Variants in CDH4 observed in about 807,000 individuals in gnomAD.
CDH4 encodes the protein cadherin-4.
Under a neutral mutation model 86.0 loss-of-function variants are expected in CDH4, and 33 were observed. The ratio of observed to expected loss-of-function variants is 0.38; its 90% CI spans 0.29 to 0.51. The LOEUF is 0.51. CDH4 is among the 20% of genes least tolerant of loss of function. The probability of loss-of-function intolerance (pLI) is 0.86; values close to 1 mark genes in which losing one functional copy is unlikely to be tolerated. For missense variants in CDH4, 1,114 were observed against 1,307.4 expected, an observed-to-expected ratio of 0.85 and a Z score of 2.28; for synonymous variants, 555 against 549.4, an observed-to-expected ratio of 1.01 and a Z score of -0.14.
intron 15 of CDH4, among the ~76,000 whole-genome samples, 162 bp from the exon 16 acceptor site, chr20:61,936,575 G>A (rs945878646): frequency 3.3e-5 from 5 of 149,748 alleles, no homozygotes; most frequent in African/African-American, 7.4e-5. Flanking sequence ...TTTTCTACTC[G>A]GAAATGCCCT....
intron 2 of CDH4, among the ~76,000 whole-genome samples, chr20:61,383,677 A>ACTGTAT (rs2084931487): frequency 4.1e-5 from 2 of 48,776 alleles, no homozygotes; most frequent in African/African-American, 1.3e-4. Context: ...GATATATATG[A>ACTGTAT]ATGTATATGA....
intron 2 of CDH4, among the ~76,000 whole-genome samples, chr20:61,578,654 C>T (rs963778718): frequency 3.7e-4 from 56 of 152,162 alleles, no homozygotes; most frequent in African/African-American, 1.3e-3. Context: ...GACCTGGCCA[C>T]CTCTCCTCCA....
At chr20:61,473,546 A>G (rs1363837295) in intron 2 of CDH4, among the ~76,000 whole-genome samples, 1 of 152,234 alleles carries the variant, frequency 6.6e-6, no homozygotes, top group Non-Finnish European at 1.5e-5. Flanking sequence ...TAAGGAGCTC[A>G]CATTTTAACC....
At chr20:61,527,788 G>A (rs1055305232) in intron 2 of CDH4, among the ~76,000 whole-genome samples, 1 of 152,068 alleles carries the variant, frequency 6.6e-6, no homozygotes, top group Admixed American at 6.6e-5. Context: ...CCTTCCAGAG[G>A]CATCTCGGGT....
Position 61,768,440 on chromosome 20 carries a change from G to T in CDH4, c.397-4563G>T, listed in dbSNP as rs555793556. On this transcript the variant is annotated intron_variant, in intron 3 of 15. Transcript: ENST00000614565. ...GCGCATGTGTACTATCTAGTTTCTG[G>T]TAATGGTGTAGTAGAGGTCACCCTT... 3.9e-5 allele frequency among the ~76,000 whole-genome samples: 6 copies of T among 152,260 alleles called. No individual in the cohort carries two copies. In the South Asian group the frequency reaches 1.2e-3, roughly 32 times the overall value.
At chr20:61,590,882 G>GGA (rs1568700994) in intron 2 of CDH4, among the ~76,000 whole-genome samples, 1 of 152,084 alleles carries the variant, frequency 6.6e-6, no homozygotes, top group Non-Finnish European at 1.5e-5. Context: ...TCTATGGGGG[G>GGA]GGGGGTCCCC....
At chr20:61,367,574 G>C (rs2084817793) in intron 2 of CDH4, among the ~76,000 whole-genome samples, 1 of 151,930 alleles carries the variant, frequency 6.6e-6, no homozygotes, top group Non-Finnish European at 1.5e-5. Context: ...ACCCAACCTT[G>C]AGCATCAGAA....
At chr20:61,908,967 G>A (rs1184354420) in intron 8 of CDH4, among the ~76,000 whole-genome samples, 1 of 152,228 alleles carries the variant, frequency 6.6e-6, no homozygotes, top group South Asian at 2.1e-4. Context: ...CAGGTGTGAA[G>A]GTGGCCTGGG....
At position 61,676,015 on chromosome 20, in the gene CDH4, C is replaced by T. The variant is rs971979527; in HGVS notation, c.170-67548C>T. On this transcript the variant is annotated intron_variant, in intron 2 of 15. Coordinates refer to ENST00000614565, the MANE Select transcript of CDH4 (RefSeq NM_001794.5). The surrounding 1 kb of genome is among the most constrained non-coding windows in gnomAD (Gnocchi z 4.5). The stretch of plus-strand genomic sequence containing the variant: ...GCACAGGCTCAGGCTCCTGGCACTG[C>T]CTGCTTAGGACCCTCAGACGGCCTC... Among the ~76,000 whole-genome samples the T allele has an allele frequency of 2.0e-5, 3 of 152,208 alleles. No homozygotes were observed. Among genetic ancestry groups the T allele is most frequent in the African/African-American group, 7.2e-5 (3 of 41,472 alleles).
intron 2 of CDH4, among the ~76,000 whole-genome samples, chr20:61,560,342 A>G (rs1254547282): frequency 6.6e-6 from 1 of 152,242 alleles, no homozygotes; most frequent in Non-Finnish European, 1.5e-5. Flanking sequence ...TCAAACTATG[A>G]AGATCCTAGA....
chr20:61,259,796 G>GT (rs1425312877), intron 2 of CDH4, among the ~76,000 whole-genome samples: 1 of 152,174 alleles, frequency 6.6e-6, no homozygotes, highest in Non-Finnish European at 1.5e-5. Context: ...CTGGTCACCG[G>GT]TATCTAATTA....
At chr20:61,449,481 G>T (rs906413349) in intron 2 of CDH4, among the ~76,000 whole-genome samples, 1 of 152,190 alleles carries the variant, frequency 6.6e-6, no homozygotes, top group Admixed American at 6.5e-5. Flanking sequence ...AGCCTGTGAC[G>T]TGGGGATATT....
chr20:61,468,550 T>G (rs1362393387), intron 2 of CDH4, among the ~76,000 whole-genome samples: 1 of 152,184 alleles, frequency 6.6e-6, no homozygotes, highest in East Asian at 1.9e-4. Context: ...TTCCAAACAA[T>G]CCAGTTACAT....
chr20:61,309,105 G>A (rs1045599733), intron 2 of CDH4, among the ~76,000 whole-genome samples: 24 of 152,380 alleles, frequency 1.6e-4, no homozygotes, highest in Non-Finnish European at 2.6e-4. Context: ...AGAGCATGGA[G>A]CCAAGCACAG....
chr20:61,785,225 A>C (rs973733161), intron 4 of CDH4, among the ~76,000 whole-genome samples: 1 of 152,064 alleles, frequency 6.6e-6, no homozygotes, highest in Non-Finnish European at 1.5e-5. Context: ...GCCATGCTTC[A>C]CCATCTCCTC....
chr20:61,846,731 CTG>C (rs1568846951), intron 5 of CDH4, among the ~76,000 whole-genome samples: 2 of 152,348 alleles, frequency 1.3e-5, no homozygotes, highest in East Asian at 3.9e-4. Context: ...CCCTTCAACT[CTG>C]TGAATTCCTG....
intron 12 of CDH4, among the ~76,000 whole-genome samples, chr20:61,929,165 T>TTC: frequency 6.6e-6 from 1 of 152,134 alleles, no homozygotes; most frequent in Admixed American, 6.6e-5. Flanking sequence ...ATGTCTTTTT[T>TTC]TTTTTGAGAC....
intron 2 of CDH4, among the ~76,000 whole-genome samples, chr20:61,526,268 G>A (rs2085909601): frequency 6.6e-6 from 1 of 152,030 alleles, no homozygotes; most frequent in African/African-American, 2.4e-5. Flanking sequence ...GACCCGCCTG[G>A]CCTCTGTATG....
chr20:61,524,566 C>G (rs1600729168), intron 2 of CDH4, among the ~76,000 whole-genome samples: 1 of 151,966 alleles, frequency 6.6e-6, no homozygotes, highest in Admixed American at 6.6e-5. Context: ...CTCACTGCAG[C>G]CTCAACCTCC....
Sources: allele counts gnomAD v4.1 joint callset (sites outside exome capture counted in the v4.1 genomes callset), GRCh38; gene constraint gnomAD v4.1.1; non-coding constraint Gnocchi (gnomAD v3.1); transcripts MANE v1.5; gene names NCBI Gene and HGNC (gene_info 2026-07-23, HGNC 2026-07-21).